NNT: variants seen among roughly 807,000 people sequenced by gnomAD.
NNT encodes NAD(P) transhydrogenase, mitochondrial.
NNT carries 50 observed loss-of-function variants against 104.8 expected under a neutral mutation model. That is an observed-to-expected ratio of 0.48 (90% CI 0.38 to 0.60). NNT has a LOEUF of 0.60. Among genes scored for constraint, NNT ranks in the 20% least tolerant of loss-of-function variants. The pLI is 0.00. For missense variants in NNT, 1,131 were observed against 1,330.7 expected (o/e 0.85, Z 2.33); for synonymous variants, 461 against 490.4 (o/e 0.94, Z 0.79).
intron 14 of NNT, among the ~76,000 whole-genome samples, chr5:43,654,306 G>C (rs550977112): frequency 5.1e-4 from 77 of 152,274 alleles, no homozygotes; most frequent in African/African-American, 1.1e-3. Flanking sequence ...TTATTGTTTT[G>C]TTTATTGTCC....
At chr5:43,639,360 T>G (rs1025528762) in intron 7 of NNT, among the ~76,000 whole-genome samples, 1 of 152,152 alleles carries the variant, frequency 6.6e-6, no homozygotes. Context: ...AACACATGCA[T>G]GAGGCAGTTT....
chr5:43,672,511 C>G (rs907526068), intron 17 of NNT, among the ~76,000 whole-genome samples: 2 of 152,252 alleles, frequency 1.3e-5, no homozygotes, highest in Non-Finnish European at 2.9e-5. Context: ...ACAGTCAGGA[C>G]CCTCAGCTGC....
chr5:43,673,888 C>G (rs1254020175), intron 17 of NNT, among the ~76,000 whole-genome samples: 1 of 152,002 alleles, frequency 6.6e-6, no homozygotes, highest in African/African-American at 2.4e-5. Flanking sequence ...GGTGTGGTGG[C>G]ATGCACCTGT....
intron 1 of NNT, among the ~76,000 whole-genome samples, chr5:43,604,383 AC>A (rs1230729461): frequency 6.6e-6 from 1 of 152,058 alleles, no homozygotes; most frequent in Non-Finnish European, 1.5e-5. Flanking sequence ...TTATTAACAG[AC>A]AGTTTAGGAT....
chr5:43,653,787 G>C (rs538826629), intron 14 of NNT, among the ~76,000 whole-genome samples: 2 of 151,338 alleles, frequency 1.3e-5, no homozygotes, highest in Non-Finnish European at 2.9e-5. Context: ...AAACCCCGTC[G>C]CTATTAAATA....
At chr5:43,695,113 G>A (rs918079921) in intron 19 of NNT, among the ~76,000 whole-genome samples, 2 of 152,118 alleles carry the variant, frequency 1.3e-5, no homozygotes, top group Non-Finnish European at 2.9e-5. Flanking sequence ...AAGAATATCT[G>A]TCATTTGATG....
intron 19 of NNT, among the ~76,000 whole-genome samples, chr5:43,682,368 G>A (rs796113802): frequency 6.6e-6 from 1 of 150,848 alleles, no homozygotes; most frequent in Admixed American, 6.6e-5. Flanking sequence ...GCGCCACCAC[G>A]CCTGACTAAT....
At chr5:43,700,004 C>G in intron 19 of NNT, 115 bp from the exon 20 acceptor site, 2 of 701,420 alleles carry the variant, frequency 2.9e-6, no homozygotes, top group Non-Finnish European at 2.5e-6. Flanking sequence ...TCAGATAGTA[C>G]CAGAAAAAAG....
intron 19 of NNT, among the ~76,000 whole-genome samples, chr5:43,683,352 T>C (rs147788400): frequency 6.6e-6 from 1 of 152,350 alleles, no homozygotes; most frequent in East Asian, 1.9e-4. Context: ...CTTTATCTTG[T>C]CCACAGCATA....
intron 2 of NNT, among the ~76,000 whole-genome samples, chr5:43,609,698 C>T (rs994149549): frequency 2.0e-5 from 3 of 152,182 alleles, no homozygotes; most frequent in African/African-American, 7.2e-5. Flanking sequence ...CATCTATGCT[C>T]AGGAATTAGG....
chr5:43,661,318 G>T (rs1195167120), intron 17 of NNT, among the ~76,000 whole-genome samples: 1 of 152,120 alleles, frequency 6.6e-6, no homozygotes, highest in South Asian at 2.1e-4. Context: ...TTCAGTTGAT[G>T]AATTTGAATG....
rs1445461768 is a variant in NNT at position 43,659,338 on chromosome 5, C to T, written c.2622C>T (p.Tyr874=). The part of the protein sequence containing the change: ...LIGSSGAILS[Y]IMCVAMNRSL... ...GCTCGTCTGGTGCTATCCTGTCATACATCATGTGTGTGGTAAGAAACAACA... is the reference window on the plus strand; with the variant it reads ...GCTCGTCTGGTGCTATCCTGTCATATATCATGTGTGTGGTAAGAAACAACA... The change falls in exon 17 of 22, where the codon TAC becomes TAT. Residue 874 remains tyrosine (Y), a synonymous_variant. Transcript: ENST00000344920. 1.2e-6 allele frequency: 2 copies of T among 1,609,332 alleles called. No homozygotes were observed. The highest frequency in any genetic ancestry group is 1.3e-5 in the African/African-American group (1 of 74,754).
At chr5:43,666,821 A>C in intron 17 of NNT, 1 of 1,363,136 alleles carries the variant, frequency 7.3e-7, no homozygotes, top group African/African-American at 1.4e-5. Context: ...GCTGGAACTG[A>C]AGCTGGAGCT....
chr5:43,659,200 T>TGC lies in NNT; in HGVS notation c.2485_2486dup (p.Asp830LeufsTer10). On this transcript the variant is annotated frameshift_variant, in exon 17 of 22. Transcript: ENST00000344920. LOFTEE classifies it high-confidence loss of function. ...TGACTTTGACAGCTGCTATTGGGGG[T>TGC]GCTGACATGCCCGTCGTTATCACTG... 1 of 1,612,740 alleles carries TGC rather than the reference T, an allele frequency of 6.2e-7. No individual in the cohort carries two copies. The highest frequency in any genetic ancestry group is 8.5e-7 in the Non-Finnish European group (1 of 1,179,356).
chr5:43,676,261 C>G (rs886429049), intron 18 of NNT, among the ~76,000 whole-genome samples: 1 of 152,150 alleles, frequency 6.6e-6, no homozygotes, highest in Non-Finnish European at 1.5e-5. Flanking sequence ...TAGCTCAGTT[C>G]TTCTTCACTG....
chr5:43,622,084 G>A (rs1299942296), intron 5 of NNT, among the ~76,000 whole-genome samples: 1 of 152,222 alleles, frequency 6.6e-6, no homozygotes, highest in African/African-American at 2.4e-5. Flanking sequence ...TTCTGTGGGG[G>A]AATGGATAGT....
At chr5:43,696,908 C>T (rs1297153707) in intron 19 of NNT, among the ~76,000 whole-genome samples, 2 of 152,200 alleles carry the variant, frequency 1.3e-5, no homozygotes, top group South Asian at 2.1e-4. Flanking sequence ...CCCATGAAAC[C>T]ATTTTTTCCT....
intron 17 of NNT, among the ~76,000 whole-genome samples, chr5:43,674,845 A>T (rs1391975586): frequency 6.6e-6 from 1 of 152,158 alleles, no homozygotes; most frequent in Non-Finnish European, 1.5e-5. Flanking sequence ...TTCTTTTGAG[A>T]TTATTTTTCT....
At chr5:43,694,403 GT>G (rs1168418831) in intron 19 of NNT, among the ~76,000 whole-genome samples, 1 of 152,152 alleles carries the variant, frequency 6.6e-6, no homozygotes, top group African/African-American at 2.4e-5. Context: ...TCAGTATAAT[GT>G]TGGCCATGGG....
Sources: allele counts gnomAD v4.1 joint callset (sites outside exome capture counted in the v4.1 genomes callset), GRCh38; gene constraint gnomAD v4.1.1; transcripts MANE v1.5; gene names NCBI Gene and HGNC (gene_info 2026-07-23, HGNC 2026-07-21).